FN1: variants seen among roughly 807,000 people sequenced by gnomAD.
The protein encoded by FN1 is fibronectin 1.
Under a neutral mutation model 297.3 loss-of-function variants are expected in FN1, and 106 were observed. That is an observed-to-expected ratio of 0.36 (90% CI 0.30 to 0.42). The LOEUF (loss-of-function observed/expected upper bound fraction) is 0.42, where lower values mean the gene tolerates loss of function less well. Ranked by LOEUF, FN1 falls within the 10% of genes least tolerant of loss-of-function variation. The pLI, the probability that FN1 is intolerant of heterozygous loss-of-function variation, is 1.00. For synonymous variants in FN1, 1,149 were observed against 1,152.6 expected (o/e 1.00, Z 0.06); for missense variants, 2,690 against 3,124.9 (o/e 0.86, Z 3.32).
intron 42 of FN1, among the ~76,000 whole-genome samples, chr2:215,366,422 G>A (rs989654749): frequency 1.3e-5 from 2 of 152,106 alleles, no homozygotes; most frequent in East Asian, 1.9e-4. Context: ...GCCACCACCT[G>A]TTTCATGTAC....
intron 31 of FN1, 134 bp from the exon 32 acceptor site, chr2:215,382,459 G>C (rs958000569): frequency 1.2e-5 from 8 of 682,600 alleles, no homozygotes; most frequent in South Asian, 7.6e-5. Flanking sequence ...AAAATATGGA[G>C]AGTCAGACTT....
At chr2:215,383,618 C>G (rs2058506935) in intron 30 of FN1, 135 bp from the exon 31 acceptor site, 3 of 960,926 alleles carry the variant, frequency 3.1e-6, no homozygotes, top group South Asian at 1.4e-5. Flanking sequence ...CGAAAGAATA[C>G]AGAGAGAGCT....
chr2:215,385,126 G>A (rs995977938), intron 28 of FN1, 150 bp from the exon 29 acceptor site: 20 of 674,582 alleles, frequency 3.0e-5, no homozygotes, highest in East Asian at 5.7e-5. Flanking sequence ...ATATTATGAC[G>A]AATTCAAGAT....
intron 24 of FN1, 176 bp from the exon 25 acceptor site, chr2:215,393,379 T>C: frequency 1.8e-6 from 1 of 558,412 alleles, no homozygotes; most frequent in African/African-American, 1.9e-5. Flanking sequence ...CTAAGCATCA[T>C]GAACAGTTTG....
rs533971404 is a variant in FN1, at chr2:215,360,927, A to G, written c.*628T>C. The G allele has an allele frequency of 6.5e-6, 1 of 153,674 alleles. No homozygotes were observed. The highest frequency in any genetic ancestry group is 2.1e-4 in the South Asian group (1 of 4,876). 9.5% of individuals were successfully genotyped at this position (153,674 alleles called of 1,614,324 possible). On this transcript the variant is annotated 3_prime_UTR_variant, in exon 46 of 46. Coordinates refer to ENST00000354785, the MANE Select transcript of FN1 (RefSeq NM_212482.4). ...ACAGTAGTAAAGCTTTGGCACATAC[A>G]GTATAAAAAATAATCACCCACCATA...
chr2:215,371,416 C>T (rs1397786805), intron 40 of FN1, among the ~76,000 whole-genome samples: 8 of 149,830 alleles, frequency 5.3e-5, no homozygotes, highest in Admixed American at 6.6e-5. Flanking sequence ...AAGGACAAAT[C>T]GTAAAGGTAG....
intron 18 of FN1, 100 bp from the exon 19 acceptor site, chr2:215,406,610 A>T (rs2061808015): frequency 7.8e-7 from 1 of 1,277,350 alleles, no homozygotes; most frequent in Non-Finnish European, 1.1e-6. Context: ...TGAGCCTCTC[A>T]TTCGAGAGTT....
intron 2 of FN1, among the ~76,000 whole-genome samples, chr2:215,433,848 T>A (rs141536143): frequency 3.9e-5 from 6 of 152,346 alleles, no homozygotes; most frequent in African/African-American, 1.2e-4. Context: ...ACGCCTGTAA[T>A]CCCAGCACTT....
rs1282150956 is a variant in FN1, at chr2:215,408,100, T to C, written c.2518+8A>G. On this transcript the variant is annotated splice_region_variant and intron_variant, in intron 17 of 45. Transcript: ENST00000354785. ...CATAGCAGCCAAAGAGGGGGACGCT[T>C]AGCTGACCTGTGATGGGAGCCTGGG... 6.2e-7 allele frequency: 1 copy of C among 1,612,314 alleles called. No individual in the cohort carries two copies. Among genetic ancestry groups the C allele is most frequent in the East Asian group, 2.2e-5 (1 of 44,860 alleles).
intron 24 of FN1, chr2:215,393,534 A>G (rs555437291): frequency 6.5e-6 from 1 of 153,638 alleles, no homozygotes; most frequent in Non-Finnish European, 1.4e-5. Context: ...TGTCAAAACC[A>G]TTCTTAGAGC....
intron 40 of FN1, 101 bp from the exon 41 acceptor site, chr2:215,370,533 AG>A: frequency 1.0e-6 from 1 of 955,568 alleles, no homozygotes; most frequent in Admixed American, 2.3e-5. Context: ...AACAAAGCAA[AG>A]GAAGACAAAA....
intron 36 of FN1, 92 bp from the exon 37 acceptor site, chr2:215,375,810 C>G: frequency 1.2e-6 from 1 of 803,246 alleles, no homozygotes; most frequent in Non-Finnish European, 2.2e-6. Flanking sequence ...GTTCTTCTAT[C>G]ATCCCATATT....
At chr2:215,412,760 C>CTTTTTTT (rs10524797) in intron 13 of FN1, among the ~76,000 whole-genome samples, 10,908 of 95,876 alleles carry the variant, frequency 0.11, 1,048 homozygotes, top group Non-Finnish European at 0.16. Context: ...TATTAAGTAT[C>CTTTTTTT]TTTTTTTTTT....
intron 27 of FN1, 98 bp from the exon 28 acceptor site, chr2:215,387,056 A>G (rs1407785406): frequency 5.5e-6 from 6 of 1,095,068 alleles, no homozygotes; most frequent in African/African-American, 1.6e-5. Context: ...CGTACATCCA[A>G]CATTTCGTTC....
At chr2:215,366,367 A>G (rs2054606073) in intron 42 of FN1, among the ~76,000 whole-genome samples, 2 of 152,254 alleles carry the variant, frequency 1.3e-5, no homozygotes. Flanking sequence ...CTGGATACAA[A>G]GTAGTTCAAT....
Position 215,406,262 on chromosome 2 carries a change from G to A in FN1, c.2962C>T (p.Pro988Ser). 1 of 1,614,108 alleles carries A rather than the reference G, an allele frequency of 6.2e-7. No individual in the cohort carries two copies. The highest frequency in any genetic ancestry group is 2.2e-5 in the East Asian group (1 of 44,878). The change falls in exon 19 of 46, where the codon CCT becomes TCT. Residue 988 changes from proline to serine, a missense_variant. Pro to Ser is a moderately conservative substitution (Grantham distance 74). This residue lies in a region of FN1 where 1,743 missense variants were observed against 1,945.2 expected (regional missense o/e 0.90). Transcript: ENST00000354785. ...FAVSHGRESK[P>S]LTAQQTTKLD... ...CTGGTTGTCTGTTGAGCAGTCAGAG[G>A]CTTGCTCTCCCTCCCATGGCTCACT...
chr2:215,393,231 G>C, intron 24 of FN1, 28 bp from the exon 25 acceptor site: 2 of 1,607,228 alleles, frequency 1.2e-6, no homozygotes, highest in Non-Finnish European at 1.7e-6. Flanking sequence ...AAAGGGAGGG[G>C]GAGGCAAAAG....
chr2:215,427,195 G>A (rs1430526801), intron 6 of FN1, among the ~76,000 whole-genome samples: 1 of 151,884 alleles, frequency 6.6e-6, no homozygotes, highest in African/African-American at 2.4e-5. Context: ...ATTTTTTTTG[G>A]CCAGTAGCAA....
chr2:215,373,185 ATATACAC>A, intron 39 of FN1, 130 bp downstream of exon 39: 1 of 700,702 alleles, frequency 1.4e-6, no homozygotes, highest in Non-Finnish European at 2.6e-6. Context: ...AGAATACAAT[ATATACAC>A]TATGCTGTTA....
Sources: allele counts gnomAD v4.1 joint callset (sites outside exome capture counted in the v4.1 genomes callset), GRCh38; gene constraint gnomAD v4.1.1; regional missense constraint gnomAD v4.1.1; transcripts MANE v1.5; gene names NCBI Gene and HGNC (gene_info 2026-07-23, HGNC 2026-07-21).